Variants in CEP83 observed in about 807,000 individuals in gnomAD.
CEP83 encodes centrosomal protein 83, also known as centrosomal protein of 83 kDa.
A neutral mutation model predicts 101.9 loss-of-function variants in CEP83; 70 were observed. The ratio of observed to expected loss-of-function variants is 0.69; its 90% CI spans 0.57 to 0.84. The LOEUF (loss-of-function observed/expected upper bound fraction) is 0.84. Among genes scored for constraint, CEP83 ranks in the 40% least tolerant of loss-of-function variants. The probability of loss-of-function intolerance (pLI) is 0.00; values close to 1 mark genes in which losing one functional copy is unlikely to be tolerated. For missense variants in CEP83, 715 were observed against 787.2 expected, an observed-to-expected ratio of 0.91 and a Z score of 1.10; for synonymous variants, 264 against 267.9, an observed-to-expected ratio of 0.99 and a Z score of 0.14.
chr12:94,284,375 A>G, the CEP83 span, among the ~76,000 whole-genome samples: 2 of 152,168 alleles, frequency 1.3e-5, no homozygotes, highest in African/African-American at 2.4e-5. Context: ...TCCAGAAATG[A>G]GCAAGAGCAG....
At chr12:94,299,664 A>G in the CEP83 span, among the ~76,000 whole-genome samples, 1 of 151,908 alleles carries the variant, frequency 6.6e-6, no homozygotes, top group Non-Finnish European at 1.5e-5. Flanking sequence ...GGCTCAAGCA[A>G]TTCTCCCACC....
chr12:94,379,688 A>G (rs1446631019), intron 6 of CEP83, among the ~76,000 whole-genome samples: 1 of 152,144 alleles, frequency 6.6e-6, no homozygotes, highest in African/African-American at 2.4e-5. Context: ...CTTGTCATTC[A>G]TGCCAATTAT....
At chr12:94,351,109 T>G (rs955982609) in intron 11 of CEP83, among the ~76,000 whole-genome samples, 1 of 151,996 alleles carries the variant, frequency 6.6e-6, no homozygotes, top group Non-Finnish European at 1.5e-5. Context: ...CATGGAGACT[T>G]GAGATGGCAG....
At chr12:94,375,791 T>C (rs1467010657) in intron 8 of CEP83, 95 bp downstream of exon 8, 1 of 620,440 alleles carries the variant, frequency 1.6e-6, no homozygotes, top group Non-Finnish European at 2.5e-6. Context: ...TAATAAAACA[T>C]TTCAGTATAA....
At chr12:94,443,051 A>C (rs777540299) in intron 1 of CEP83, among the ~76,000 whole-genome samples, 11 of 152,216 alleles carry the variant, frequency 7.2e-5, no homozygotes, top group Non-Finnish European at 1.3e-4. Context: ...TGCCTTCGTC[A>C]CTATAACTCC....
the CEP83 span, chr12:94,277,780 G>A: frequency 1.3e-4 from 47 of 362,806 alleles, no homozygotes; most frequent in African/African-American, 7.2e-4. Context: ...TTTTATTGCC[G>A]ATACTATCAT....
intron 14 of CEP83, among the ~76,000 whole-genome samples, chr12:94,317,195 T>C (rs527826397): frequency 1.6e-4 from 24 of 152,352 alleles, no homozygotes; most frequent in African/African-American, 3.6e-4. Flanking sequence ...TTATTTCATA[T>C]GCTTGTTGGT....
At chr12:94,283,296 G>A in the CEP83 span, among the ~76,000 whole-genome samples, 1 of 152,162 alleles carries the variant, frequency 6.6e-6, no homozygotes, top group Non-Finnish European at 1.5e-5. Context: ...CTGGGCTAGG[G>A]TGCAGGCACA....
intron 11 of CEP83, among the ~76,000 whole-genome samples, chr12:94,364,422 A>G (rs2060922578): frequency 6.6e-6 from 1 of 152,196 alleles, no homozygotes; most frequent in Non-Finnish European, 1.5e-5. Flanking sequence ...GAGAAAAACT[A>G]TAAGGACTGA....
chr12:94,377,465 T>C (rs1425630087), intron 7 of CEP83, among the ~76,000 whole-genome samples: 1 of 152,070 alleles, frequency 6.6e-6, no homozygotes, highest in Non-Finnish European at 1.5e-5. Flanking sequence ...CCACCTTAAG[T>C]TGGGGAACAT....
intron 6 of CEP83, among the ~76,000 whole-genome samples, chr12:94,393,540 G>A (rs1459678103): frequency 6.6e-6 from 1 of 152,158 alleles, no homozygotes; most frequent in Non-Finnish European, 1.5e-5. Context: ...GCAAAAACTG[G>A]AAGCATTTCC....
the CEP83 span, among the ~76,000 whole-genome samples, chr12:94,274,089 G>A: frequency 6.9e-6 from 1 of 145,262 alleles, no homozygotes; most frequent in South Asian, 2.2e-4. Flanking sequence ...GGGAAGCCAA[G>A]GTGGGAGGAT....
chr12:94,267,452 C>T, the CEP83 span, among the ~76,000 whole-genome samples: 4 of 152,144 alleles, frequency 2.6e-5, no homozygotes, highest in South Asian at 2.1e-4. Flanking sequence ...GAATTCATGT[C>T]GACTCTTGAA....
At chr12:94,330,319 C>T (rs2059148765) in intron 14 of CEP83, among the ~76,000 whole-genome samples, 1 of 152,106 alleles carries the variant, frequency 6.6e-6, no homozygotes, top group African/African-American at 2.4e-5. Context: ...TCCTCTTCCT[C>T]TAATCCTGTT....
At chr12:94,426,880 A>G (rs2065243562) in intron 2 of CEP83, among the ~76,000 whole-genome samples, 1 of 152,196 alleles carries the variant, frequency 6.6e-6, no homozygotes, top group South Asian at 2.1e-4. Flanking sequence ...AAAAAGCTGG[A>G]AAAGGCAAGG....
chr12:94,411,660 T>C (rs764150944), intron 4 of CEP83, 37 bp downstream of exon 4: 4 of 1,538,532 alleles, frequency 2.6e-6, no homozygotes, highest in Non-Finnish European at 1.8e-6. Flanking sequence ...ATCTGACTGC[T>C]TTTATACTAA....
At chr12:94,379,576 G>A (rs2061724669) in intron 6 of CEP83, among the ~76,000 whole-genome samples, 1 of 152,116 alleles carries the variant, frequency 6.6e-6, no homozygotes, top group African/African-American at 2.4e-5. Context: ...TGTAATGATG[G>A]CCTAGTTCTT....
At chr12:94,296,128 C>A in the CEP83 span, among the ~76,000 whole-genome samples, 95 of 152,268 alleles carry the variant, frequency 6.2e-4, no homozygotes, top group African/African-American at 2.2e-3. Context: ...CCATCTACTC[C>A]CCATTTTCCA....
At chr12:94,292,782 C>T in the CEP83 span, among the ~76,000 whole-genome samples, 2 of 152,108 alleles carry the variant, frequency 1.3e-5, no homozygotes, top group Non-Finnish European at 2.9e-5. Flanking sequence ...GTTCAGGTGC[C>T]GAATTTTCCA....
Sources: allele counts gnomAD v4.1 joint callset (sites outside exome capture counted in the v4.1 genomes callset), GRCh38; gene constraint gnomAD v4.1.1; transcripts MANE v1.5; gene names NCBI Gene and HGNC (gene_info 2026-07-23, HGNC 2026-07-21).